Variants in DGKB observed in about 807,000 individuals in gnomAD.
The protein encoded by DGKB is 90 kDa diacylglycerol kinase.
A neutral mutation model predicts 114.3 loss-of-function variants in DGKB; 67 were observed. That is an observed-to-expected ratio of 0.59 (90% CI 0.48 to 0.72). The LOEUF is 0.72. DGKB is among the 30% of genes least tolerant of loss of function. The pLI is 0.00. For missense variants in DGKB, 907 were observed against 975.2 expected (o/e 0.93, Z 0.93); for synonymous variants, 398 against 323.1 (o/e 1.23, Z -2.49).
At chr7:14,439,913 A>G (rs975236536) in intron 21 of DGKB, among the ~76,000 whole-genome samples, 1 of 151,802 alleles carries the variant, frequency 6.6e-6, no homozygotes, top group Non-Finnish European at 1.5e-5. Flanking sequence ...AGACTGCCAC[A>G]GTTACTACTT....
intron 23 of DGKB, among the ~76,000 whole-genome samples, chr7:14,206,982 A>G (rs1786931956): frequency 2.0e-5 from 3 of 152,086 alleles, no homozygotes. Flanking sequence ...GTAAAAATGT[A>G]TGAGATGGAA....
At chr7:14,817,752 C>G (rs1477792327) in intron 2 of DGKB, among the ~76,000 whole-genome samples, 2 of 152,112 alleles carry the variant, frequency 1.3e-5, no homozygotes, top group African/African-American at 4.8e-5. Flanking sequence ...ATTGTCAAAA[C>G]CAATTGTCTA....
chr7:14,464,511 C>T (rs1833554719), intron 21 of DGKB, among the ~76,000 whole-genome samples: 1 of 152,140 alleles, frequency 6.6e-6, no homozygotes, highest in Admixed American at 6.6e-5. Flanking sequence ...ACAGTGACTA[C>T]TAAACATCAG....
At chr7:14,942,109 T>TA (rs1238816154) in intron 1 of DGKB, among the ~76,000 whole-genome samples, 1 of 151,350 alleles carries the variant, frequency 6.6e-6, no homozygotes, top group African/African-American at 2.4e-5. Context: ...GACCTCAGAT[T>TA]AAAAAAACTT....
intron 5 of DGKB, among the ~76,000 whole-genome samples, chr7:14,719,135 T>C (rs2128351889): frequency 6.6e-6 from 1 of 152,318 alleles, no homozygotes; most frequent in Admixed American, 6.5e-5. Context: ...TAATCATCCA[T>C]TCATAAAGTC....
chr7:14,301,635 G>A (rs1292352307), intron 23 of DGKB, among the ~76,000 whole-genome samples: 4 of 152,096 alleles, frequency 2.6e-5, no homozygotes, highest in Non-Finnish European at 5.9e-5. Flanking sequence ...TTGTGCTGCT[G>A]TATACATATA....
At chr7:14,330,023 A>G (rs1402950172) in intron 23 of DGKB, among the ~76,000 whole-genome samples, 1 of 152,054 alleles carries the variant, frequency 6.6e-6, no homozygotes, top group Non-Finnish European at 1.5e-5. Flanking sequence ...CACTGATATC[A>G]GATATCAAGG....
At chr7:14,886,743 C>G (rs1168541427) in intron 1 of DGKB, among the ~76,000 whole-genome samples, 1 of 151,830 alleles carries the variant, frequency 6.6e-6, no homozygotes, top group Non-Finnish European at 1.5e-5. Flanking sequence ...TGCAGTTCAT[C>G]CAGCACATTG....
chr7:14,613,512 T>C (rs1805953885), intron 15 of DGKB, 99 bp from the exon 16 acceptor site: 1 of 680,566 alleles, frequency 1.5e-6, no homozygotes, highest in African/African-American at 1.8e-5. Flanking sequence ...ATACGCAATT[T>C]CAATAATATT....
intron 21 of DGKB, among the ~76,000 whole-genome samples, chr7:14,388,643 T>C (rs1820825675): frequency 3.9e-5 from 6 of 152,042 alleles, no homozygotes; most frequent in Admixed American, 3.3e-4. Flanking sequence ...ATTATATCTT[T>C]TAAAATTGTA....
chr7:14,295,551 C>A (rs1802394099), intron 23 of DGKB, among the ~76,000 whole-genome samples: 1 of 151,780 alleles, frequency 6.6e-6, no homozygotes, highest in African/African-American at 2.4e-5. Context: ...AGCTATGGAT[C>A]CTGGAGACTC....
At chr7:14,228,951 G>C (rs1026799481) in intron 23 of DGKB, among the ~76,000 whole-genome samples, 1 of 150,538 alleles carries the variant, frequency 6.6e-6, no homozygotes, top group South Asian at 2.1e-4. Flanking sequence ...ATTAAGAATA[G>C]CATTTAGAAG....
chr7:14,847,290 C>CAAA (rs369385721), intron 1 of DGKB, among the ~76,000 whole-genome samples: 16 of 92,826 alleles, frequency 1.7e-4, no homozygotes, highest in East Asian at 6.6e-4. Flanking sequence ...GACTCCGTCT[C>CAAA]AAAAAAAAAA....
intron 21 of DGKB, among the ~76,000 whole-genome samples, chr7:14,365,765 C>A (rs950977014): frequency 6.6e-6 from 1 of 151,956 alleles, no homozygotes; most frequent in Non-Finnish European, 1.5e-5. Context: ...CTTTTATTTT[C>A]ATTTGTTTTC....
chr7:14,943,064 G>C (rs1423680348), intron 1 of DGKB, among the ~76,000 whole-genome samples: 1 of 151,560 alleles, frequency 6.6e-6, no homozygotes, highest in African/African-American at 2.4e-5. Flanking sequence ...TTCGTTGTAT[G>C]ACTGATTGAC....
At chr7:14,466,217 G>T (rs1397401657) in intron 21 of DGKB, among the ~76,000 whole-genome samples, 2 of 152,076 alleles carry the variant, frequency 1.3e-5, no homozygotes, top group African/African-American at 4.8e-5. Flanking sequence ...GAGTGCCTAG[G>T]AGCACTCAAC....
intron 23 of DGKB, among the ~76,000 whole-genome samples, chr7:14,315,556 A>C (rs1427937708): frequency 1.3e-5 from 2 of 151,206 alleles, no homozygotes; most frequent in African/African-American, 4.9e-5. Context: ...ATAATGGTAA[A>C]GGGATCAATT....
intron 25 of DGKB, among the ~76,000 whole-genome samples, chr7:14,150,063 T>G (rs999718934): frequency 1.3e-5 from 2 of 152,152 alleles, no homozygotes; most frequent in African/African-American, 4.8e-5. Flanking sequence ...AAGTGGCATT[T>G]TGTCTGTGAC....
At chr7:14,231,940 C>T (rs1346811570) in intron 23 of DGKB, among the ~76,000 whole-genome samples, 1 of 151,914 alleles carries the variant, frequency 6.6e-6, no homozygotes, top group African/African-American at 2.4e-5. Flanking sequence ...TTAGCTAAAG[C>T]CTCATTCGGT....
Sources: allele counts gnomAD v4.1 joint callset (sites outside exome capture counted in the v4.1 genomes callset), GRCh38; gene constraint gnomAD v4.1.1; transcripts MANE v1.5; gene names NCBI Gene and HGNC (gene_info 2026-07-23, HGNC 2026-07-21).